The following MPPED1 variants were observed in gnomAD, a reference collection of about 807,000 sequenced individuals.
The protein encoded by MPPED1 is metallophosphoesterase domain containing 1.
A neutral mutation model predicts 36.2 loss-of-function variants in MPPED1; 16 were observed. The ratio of observed to expected loss-of-function variants is 0.44; its 90% CI spans 0.30 to 0.67. The LOEUF (loss-of-function observed/expected upper bound fraction) is 0.67, where lower values mean the gene tolerates loss of function less well. Ranked by LOEUF, MPPED1 falls within the 30% of genes least tolerant of loss-of-function variation. The pLI, the probability that MPPED1 is intolerant of heterozygous loss-of-function variation, is 0.10. For synonymous variants in MPPED1, 199 were observed against 191.3 expected, an observed-to-expected ratio of 1.04 and a Z score of -0.33; for missense variants, 307 against 453.4, an observed-to-expected ratio of 0.68 and a Z score of 2.93.
At chr22:43,427,850 A>G (rs1366922705) in intron 2 of MPPED1, among the ~76,000 whole-genome samples, 1 of 152,066 alleles carries the variant, frequency 6.6e-6, no homozygotes. Flanking sequence ...TAGCTCGGAA[A>G]GCTGGTCCTC....
intron 4 of MPPED1, among the ~76,000 whole-genome samples, chr22:43,479,831 AAG>A (rs1475150460): frequency 6.6e-6 from 1 of 152,222 alleles, no homozygotes; most frequent in Admixed American, 6.5e-5. Flanking sequence ...TGTTACCACT[AAG>A]AGATACTCTG....
intron 2 of MPPED1, among the ~76,000 whole-genome samples, chr22:43,430,254 T>C (rs1265879091): frequency 1.3e-5 from 2 of 152,206 alleles, no homozygotes; most frequent in South Asian, 2.1e-4. Context: ...CTCTCTGGGC[T>C]TTTGGCGCCA....
chr22:43,485,901 C>T (rs560770731), intron 4 of MPPED1, among the ~76,000 whole-genome samples: 66 of 152,328 alleles, frequency 4.3e-4, no homozygotes, highest in Admixed American at 1.1e-3. Flanking sequence ...GCTTTGGGGA[C>T]GCGTTGCCAG....
chr22:43,453,242 GC>G (rs887293223), intron 3 of MPPED1, among the ~76,000 whole-genome samples: 7 of 152,138 alleles, frequency 4.6e-5, no homozygotes, highest in African/African-American at 1.7e-4. Context: ...CAGCCACTGT[GC>G]CCGGCCAGTC....
At chr22:43,487,798 G>T (rs941920187) in intron 4 of MPPED1, among the ~76,000 whole-genome samples, 18 of 152,132 alleles carry the variant, frequency 1.2e-4, no homozygotes, top group Admixed American at 1.2e-3. Context: ...CTGTGCTTCC[G>T]TTTCCTTGTC....
At chr22:43,419,932 C>CT (rs1381596482) in intron 1 of MPPED1, among the ~76,000 whole-genome samples, 5 of 152,074 alleles carry the variant, frequency 3.3e-5, no homozygotes, top group Admixed American at 3.3e-4. Context: ...ATAAATGTCT[C>CT]TGAGAGGAAA....
At position 43,441,532 on chromosome 22, in the gene MPPED1, G is replaced by C. The variant is rs527929287; in HGVS notation, c.406+6317G>C. Among the ~76,000 whole-genome samples the C allele has an allele frequency of 2.3e-3, 351 of 152,278 alleles. 1 individual carries two copies. Among genetic ancestry groups the C allele is most frequent in the Non-Finnish European group, 3.9e-3 (262 of 68,026 alleles). ...CCAGGGGTGTTTGTTGTAAAAGCGTGGTCTGTAAAGCACATGATGGGCCCA... is the reference window on the plus strand; with the variant it reads ...CCAGGGGTGTTTGTTGTAAAAGCGTCGTCTGTAAAGCACATGATGGGCCCA... On this transcript the variant is annotated intron_variant, in intron 3 of 6. Transcript: ENST00000443721.
intron 4 of MPPED1, among the ~76,000 whole-genome samples, chr22:43,495,296 GAGGTGATGGTGGTGATGGTGGTGGTGA>G: frequency 6.8e-6 from 1 of 146,770 alleles, no homozygotes; most frequent in African/African-American, 2.6e-5. Context: ...GGTGGTGATG[GAGGTGATGGTGGTGATGGTGGTGGTGA>G]TGGTGGTGGT....
chr22:43,479,531 G>A (rs1254339184), intron 4 of MPPED1, among the ~76,000 whole-genome samples: 2 of 152,212 alleles, frequency 1.3e-5, no homozygotes, highest in Non-Finnish European at 2.9e-5. Context: ...CAGGGGAGAG[G>A]TGATGTGGCC....
In MPPED1 at chr22:43,434,260, G is replaced by A. The variant is rs1042159699; in HGVS notation, c.225-774G>A. ...AGCCTGGTCTTCTGACTCCAGGAGT[G>A]TTTTCTGACACAGCCCTGGAAGGCC... On this transcript the variant is annotated intron_variant, in intron 2 of 6. Transcript: ENST00000443721. 2.0e-5 allele frequency among the ~76,000 whole-genome samples: 3 copies of A among 152,336 alleles called. 1 individual carries two copies. The highest frequency in any genetic ancestry group is 6.8e-3 in the Middle Eastern group (2 of 294).
chr22:43,464,030 T>C (rs2146871786), intron 3 of MPPED1, among the ~76,000 whole-genome samples: 1 of 152,002 alleles, frequency 6.6e-6, no homozygotes. Flanking sequence ...TGCCTCAGTC[T>C]CCTGAGTAGC....
chr22:43,435,199 G>A lies in MPPED1; in HGVS notation c.390G>A (p.Lys130=), dbSNP rs940616031. Residue 130 remains lysine, a synonymous_variant, in exon 3 of 7, where the codon AAG becomes AAA. Coordinates refer to ENST00000443721, the MANE Select transcript of MPPED1 (RefSeq NM_001044370.2). ...TGGGGCTCCCGAGCGAGGTGAAGAA[G>A]TTCAACGAGTGGCTGGGTAGGTCCC... is the stretch of plus-strand genomic sequence containing the variant. ...TELGLPSEVK[K]FNEWLGSLPY... is the part of the protein sequence containing the mutation. 1.9e-6 allele frequency: 3 copies of A among 1,609,188 alleles called. No individual in the cohort carries two copies. In the African/African-American group the frequency reaches 4.0e-5, roughly 21 times the overall value.
intron 2 of MPPED1, among the ~76,000 whole-genome samples, chr22:43,432,366 GGA>G (rs1311259185): frequency 9.9e-6 from 1 of 101,162 alleles, no homozygotes; most frequent in Non-Finnish European, 2.0e-5. Flanking sequence ...AGAGAGAAAG[GGA>G]GAGAGAAAGG....
At chr22:43,445,558 C>CTTTTT (rs135055) in intron 3 of MPPED1, among the ~76,000 whole-genome samples, 30 of 123,900 alleles carry the variant, frequency 2.4e-4, no homozygotes, top group African/African-American at 8.3e-4. Context: ...CTGATGTTTC[C>CTTTTT]TTTTTTTTTT....
chr22:43,460,299 A>AC lies in MPPED1; in HGVS notation c.407-14437_407-14436insC, dbSNP rs1208920245. On this transcript the variant is annotated intron_variant, in intron 3 of 6. Coordinates refer to ENST00000443721, the MANE Select transcript of MPPED1 (RefSeq NM_001044370.2). The stretch of plus-strand genomic sequence containing the variant: ...CAAACCCAAAGCAAAACAAAACAAA[A>AC]AAAACTGGATTTTGTTTATTTGTTT... Among the ~76,000 whole-genome samples, 4 of 149,376 alleles carry AC rather than the reference A, an allele frequency of 2.7e-5. 1 individual carries two copies. Among genetic ancestry groups the AC allele is most frequent in the Non-Finnish European group, 6.0e-5 (4 of 67,154 alleles).
At chr22:43,432,652 A>AGAGAG (rs1176976712) in intron 2 of MPPED1, among the ~76,000 whole-genome samples, 1 of 558 alleles carries the variant, frequency 1.8e-3, no homozygotes, top group African/African-American at 8.6e-3. Context: ...AGGGAAAGAG[A>AGAGAG]AAGGGAGGAG....
intron 3 of MPPED1, among the ~76,000 whole-genome samples, chr22:43,436,442 A>G (rs1929964121): frequency 6.6e-6 from 1 of 152,246 alleles, no homozygotes; most frequent in Non-Finnish European, 1.5e-5. Context: ...GCCAGGCGAG[A>G]CAAATATTTA....
intron 4 of MPPED1, 35 bp from the exon 5 acceptor site, chr22:43,498,200 C>G: frequency 1.3e-6 from 2 of 1,503,754 alleles, no homozygotes; most frequent in Non-Finnish European, 1.8e-6. Context: ...GTACTTTCAC[C>G]CGCCCTCCCT....
In MPPED1 at chr22:43,502,189, C is replaced by T. The variant is rs1008925952; in HGVS notation, c.749-455C>T. Among the ~76,000 whole-genome samples the T allele has an allele frequency of 6.6e-6, 1 of 152,110 alleles. No individual in the cohort carries two copies. The highest frequency in any genetic ancestry group is 6.5e-5 in the Admixed American group (1 of 15,274). On this transcript the variant is annotated intron_variant, in intron 5 of 6. Coordinates refer to ENST00000443721, the MANE Select transcript of MPPED1 (RefSeq NM_001044370.2). The surrounding 1 kb of genome is among the most constrained non-coding windows in gnomAD (Gnocchi z 5.5). Reference sequence around the variant, plus strand: ...TAGGAAGTTTCTGACATGGAAATCTCACTCCTGGGCTGTGTATCAGGACGC... The same window carrying T: ...TAGGAAGTTTCTGACATGGAAATCTTACTCCTGGGCTGTGTATCAGGACGC...
Sources: allele counts gnomAD v4.1 joint callset (sites outside exome capture counted in the v4.1 genomes callset), GRCh38; gene constraint gnomAD v4.1.1; non-coding constraint Gnocchi (gnomAD v3.1); transcripts MANE v1.5; gene names NCBI Gene and HGNC (gene_info 2026-07-23, HGNC 2026-07-21).